The following SHANK2 variants were observed in gnomAD, a reference collection of about 807,000 sequenced individuals.
SHANK2 encodes the protein SH3 and multiple ankyrin repeat domains 2, also known as SH3 and multiple ankyrin repeat domains protein 2.
SHANK2 carries 43 observed loss-of-function variants against 133.7 expected under a neutral mutation model. That is an observed-to-expected ratio of 0.32 (90% CI 0.25 to 0.41). SHANK2 has a LOEUF of 0.41. Among genes scored for constraint, SHANK2 ranks in the 10% least tolerant of loss-of-function variants. SHANK2 has a pLI of 1.00. For missense variants in SHANK2, 1,994 were observed against 2,235.8 expected, an observed-to-expected ratio of 0.89 and a Z score of 2.18; for synonymous variants, 1,017 against 952.8, an observed-to-expected ratio of 1.07 and a Z score of -1.24.
At chr11:71,080,436 C>A (rs1328631683) in intron 8 of SHANK2, among the ~76,000 whole-genome samples, 1 of 152,234 alleles carries the variant, frequency 6.6e-6, no homozygotes, top group Admixed American at 6.5e-5. Flanking sequence ...GATACATCTA[C>A]AGGACCTAAA....
chr11:70,813,746 C>T (rs1438983904), intron 12 of SHANK2, among the ~76,000 whole-genome samples: 1 of 152,110 alleles, frequency 6.6e-6, no homozygotes, highest in Non-Finnish European at 1.5e-5. Context: ...AAGTTGAAGG[C>T]TCAGGTCCTG....
chr11:70,893,660 T>C (rs1327676143), intron 11 of SHANK2, among the ~76,000 whole-genome samples: 8 of 152,218 alleles, frequency 5.3e-5, no homozygotes, highest in Non-Finnish European at 1.0e-4. Context: ...AGGTTTTTTT[T>C]CTTCTTCTTC....
rs372333144 is a variant in SHANK2 at position 70,492,424 on chromosome 11, C to T, written c.2350G>A (p.Ala784Thr). Residue 784 changes from alanine to threonine, a missense_variant, in exon 22 of 26, where the codon GCT becomes ACT. Around this residue, in one of 5 missense-constraint regions of SHANK2, gnomAD observed 488 missense variants for 642.6 expected, o/e 0.76. Coordinates refer to ENST00000601538, the MANE Select transcript of SHANK2 (RefSeq NM_012309.5). ...GGTTCCACAGCCATGTTCTCAGCAG[C>T]GCGGGAGGGCTTGGAGGCCGGGACT... ...EIVPASKPSRAAENMAVEPRV... is the reference protein window; with the variant it reads ...EIVPASKPSRTAENMAVEPRV... 9.3e-6 allele frequency: 15 copies of T among 1,613,828 alleles called. No homozygotes were observed. Among genetic ancestry groups the T allele is most frequent in the South Asian group, 5.5e-5 (5 of 91,086 alleles).
At chr11:70,788,508 C>T (rs1947718459) in intron 14 of SHANK2, among the ~76,000 whole-genome samples, 1 of 152,148 alleles carries the variant, frequency 6.6e-6, no homozygotes, top group African/African-American at 2.4e-5. Context: ...TCCACACCAC[C>T]CACTGGTTAG....
chr11:70,641,162 C>A (rs2061174785), intron 17 of SHANK2, among the ~76,000 whole-genome samples: 1 of 145,372 alleles, frequency 6.9e-6, no homozygotes. Flanking sequence ...GTGGCATGAT[C>A]TTGGCTCACC....
intron 14 of SHANK2, among the ~76,000 whole-genome samples, chr11:70,769,404 T>G (rs1555042161): frequency 6.6e-6 from 1 of 152,150 alleles, no homozygotes; most frequent in African/African-American, 2.4e-5. Context: ...TGCCAGGAGC[T>G]TCAGGAACAA....
At chr11:71,060,441 C>A in intron 9 of SHANK2, among the ~76,000 whole-genome samples, 1 of 152,368 alleles carries the variant, frequency 6.6e-6, no homozygotes, top group East Asian at 1.9e-4. Flanking sequence ...TGGCCCCTGG[C>A]CCCAGCCGGT....
intron 21 of SHANK2, chr11:70,496,948 G>C (rs1555157262): frequency 2.2e-6 from 1 of 456,636 alleles, no homozygotes; most frequent in Admixed American, 2.3e-5. Context: ...CCCTGAAACT[G>C]TGGCCACCTT....
chr11:70,948,332 G>T (rs1387581888), intron 10 of SHANK2: 1 of 457,234 alleles, frequency 2.2e-6, no homozygotes, highest in African/African-American at 2.0e-5. Flanking sequence ...AGAGTGTGGT[G>T]TGGCTCACTG....
At chr11:70,551,655 C>T (rs1488054835) in intron 17 of SHANK2, among the ~76,000 whole-genome samples, 8 of 152,334 alleles carry the variant, frequency 5.3e-5, no homozygotes, top group South Asian at 4.1e-4. Flanking sequence ...AATTCTACAA[C>T]GATGCGCTAG....
chr11:70,650,744 G>A (rs568595379), intron 17 of SHANK2, among the ~76,000 whole-genome samples: 2 of 152,270 alleles, frequency 1.3e-5, no homozygotes, highest in South Asian at 4.2e-4. Context: ...ACCCATCAAA[G>A]CCTGGAGCCA....
At chr11:70,711,377 C>T (rs1013916293) in intron 14 of SHANK2, among the ~76,000 whole-genome samples, 5 of 152,246 alleles carry the variant, frequency 3.3e-5, no homozygotes, top group South Asian at 2.1e-4. Flanking sequence ...TTAAATCAGA[C>T]GCCGCTCAGG....
chr11:70,634,331 T>C (rs1303645710), intron 17 of SHANK2: 2 of 152,004 alleles, frequency 1.3e-5, no homozygotes, highest in African/African-American at 4.8e-5. Context: ...TCCGTCTGTA[T>C]ATGGATGGCA....
chr11:70,720,619 G>A (rs1555028782), intron 14 of SHANK2, among the ~76,000 whole-genome samples: 1 of 152,226 alleles, frequency 6.6e-6, no homozygotes, highest in Non-Finnish European at 1.5e-5. Context: ...AGATAGAGTT[G>A]TTTACGCTGT....
intron 2 of SHANK2, among the ~76,000 whole-genome samples, chr11:71,181,971 C>A (rs1237849964): frequency 6.6e-6 from 1 of 152,208 alleles, no homozygotes; most frequent in Non-Finnish European, 1.5e-5. Flanking sequence ...GCCGGAGGGG[C>A]AGCGCCCTGC....
At chr11:71,066,092 G>GGAGGT (rs1310612336) in intron 9 of SHANK2, among the ~76,000 whole-genome samples, 44 of 19,986 alleles carry the variant, frequency 2.2e-3, no homozygotes, top group African/African-American at 3.4e-3. Flanking sequence ...GAAGTTGGTG[G>GGAGGT]GGGGGGTGTG....
chr11:70,613,363 C>G (rs571691937), intron 17 of SHANK2, among the ~76,000 whole-genome samples: 58 of 152,212 alleles, frequency 3.8e-4, no homozygotes, highest in African/African-American at 1.3e-3. Context: ...GTTGCCATGT[C>G]CAGCTAATTT....
At chr11:71,152,064 T>C (rs1258669064) in intron 2 of SHANK2, among the ~76,000 whole-genome samples, 4 of 144,144 alleles carry the variant, frequency 2.8e-5, no homozygotes, top group African/African-American at 1.1e-4. Context: ...CTTTTAGATA[T>C]GTCAGATTTG....
At chr11:70,729,459 C>A (rs559238383) in intron 14 of SHANK2, among the ~76,000 whole-genome samples, 1 of 151,176 alleles carries the variant, frequency 6.6e-6, no homozygotes, top group Non-Finnish European at 1.5e-5. Flanking sequence ...CTGGAGTGAG[C>A]GAGAGAGAGG....
Sources: allele counts gnomAD v4.1 joint callset (sites outside exome capture counted in the v4.1 genomes callset), GRCh38; gene constraint gnomAD v4.1.1; regional missense constraint gnomAD v4.1.1; transcripts MANE v1.5; gene names NCBI Gene and HGNC (gene_info 2026-07-23, HGNC 2026-07-21).